The following RORA variants were observed in gnomAD, a reference collection of about 807,000 sequenced individuals.
The protein encoded by RORA is nuclear receptor ROR-alpha.
RORA carries 7 observed loss-of-function variants against 69.5 expected under a neutral mutation model. The ratio of observed to expected loss-of-function variants is 0.10; its 90% confidence interval spans 0.06 to 0.19. The LOEUF is 0.19. Ranked by LOEUF, RORA falls within the 10% of genes least tolerant of loss-of-function variation. The pLI, the probability that RORA is intolerant of heterozygous loss-of-function variation, is 1.00. For missense variants in RORA, 457 were observed against 663.0 expected (o/e 0.69, Z 3.41); for synonymous variants, 261 against 240.8 (o/e 1.08, Z -0.78).
At chr15:60,513,840 C>T (rs1235772390) in intron 4 of RORA, among the ~76,000 whole-genome samples, 1 of 152,202 alleles carries the variant, frequency 6.6e-6, no homozygotes, top group East Asian at 1.9e-4. Flanking sequence ...GCTGAAATTC[C>T]ACTGGAGGAG....
At chr15:60,604,048 G>T (rs1424317395) in intron 2 of RORA, among the ~76,000 whole-genome samples, 1 of 148,482 alleles carries the variant, frequency 6.7e-6, no homozygotes, top group Non-Finnish European at 1.5e-5. Flanking sequence ...CAGGAGAATC[G>T]CTTGACCCTG....
At chr15:60,739,696 C>T (rs2071548841) in intron 1 of RORA, among the ~76,000 whole-genome samples, 1 of 152,172 alleles carries the variant, frequency 6.6e-6, no homozygotes, top group Admixed American at 6.5e-5. Flanking sequence ...AGTGCCCTGC[C>T]TCGGGGACCT....
At chr15:61,003,109 A>G (rs1206688242) in intron 1 of RORA, among the ~76,000 whole-genome samples, 1 of 150,576 alleles carries the variant, frequency 6.6e-6, no homozygotes, top group African/African-American at 2.4e-5. Flanking sequence ...GTGCCACTGC[A>G]CTCCAGACAG....
At chr15:60,986,436 T>C (rs1894203765) in intron 1 of RORA, among the ~76,000 whole-genome samples, 1 of 152,220 alleles carries the variant, frequency 6.6e-6, no homozygotes, top group African/African-American at 2.4e-5. Context: ...CCTTCAGACA[T>C]GTGCTTTTCG....
At chr15:60,502,462 C>T (rs1310901861) in intron 8 of RORA, among the ~76,000 whole-genome samples, 4 of 152,072 alleles carry the variant, frequency 2.6e-5, no homozygotes, top group Admixed American at 2.6e-4. Flanking sequence ...AATAATATAT[C>T]ACCAGCAAAT....
intron 1 of RORA, among the ~76,000 whole-genome samples, chr15:61,130,639 T>C (rs887622894): frequency 1.3e-5 from 2 of 152,186 alleles, no homozygotes; most frequent in African/African-American, 4.8e-5. Context: ...GAGATAAGTA[T>C]ATCTAGATAT....
chr15:61,190,047 C>A (rs896086865), intron 1 of RORA, among the ~76,000 whole-genome samples: 1 of 151,940 alleles, frequency 6.6e-6, no homozygotes, highest in Non-Finnish European at 1.5e-5. Context: ...AGATTTATAT[C>A]TATTGGCCTG....
intron 2 of RORA, among the ~76,000 whole-genome samples, chr15:60,582,397 C>T (rs1008984728): frequency 2.6e-5 from 4 of 152,120 alleles, no homozygotes; most frequent in Admixed American, 2.0e-4. Flanking sequence ...TTTCATAGAA[C>T]GGTAGAGATG....
chr15:60,506,118 C>G (rs2065492674), intron 5 of RORA, among the ~76,000 whole-genome samples: 1 of 152,164 alleles, frequency 6.6e-6, no homozygotes, highest in African/African-American at 2.4e-5. Context: ...TTACTGAGGG[C>G]CTACCATGTG....
At chr15:60,719,307 G>A (rs1033435581) in intron 1 of RORA, among the ~76,000 whole-genome samples, 1 of 151,644 alleles carries the variant, frequency 6.6e-6, no homozygotes, top group Non-Finnish European at 1.5e-5. Flanking sequence ...ATAAAAAAAT[G>A]TGTGTGTGTG....
chr15:60,621,804 T>C (rs2069416394), intron 2 of RORA, among the ~76,000 whole-genome samples: 1 of 151,812 alleles, frequency 6.6e-6, no homozygotes, highest in East Asian at 1.9e-4. Flanking sequence ...TCCCAGCACT[T>C]TGGGAGGGCG....
At chr15:60,872,004 T>C (rs1442111867) in intron 1 of RORA, among the ~76,000 whole-genome samples, 1 of 152,214 alleles carries the variant, frequency 6.6e-6, no homozygotes, top group Admixed American at 6.5e-5. Context: ...AATCTAGAAG[T>C]ATTCCAAAGT....
At chr15:61,053,428 C>A (rs563378539) in intron 1 of RORA, among the ~76,000 whole-genome samples, 1 of 152,182 alleles carries the variant, frequency 6.6e-6, no homozygotes, top group South Asian at 2.1e-4. Flanking sequence ...ACACAGGTAA[C>A]CCCTTGGGCA....
At chr15:60,917,263 G>C (rs1756257227) in intron 1 of RORA, among the ~76,000 whole-genome samples, 1 of 152,144 alleles carries the variant, frequency 6.6e-6, no homozygotes, top group African/African-American at 2.4e-5. Flanking sequence ...CCTCCCATCT[G>C]GTTAATATAA....
intron 1 of RORA, among the ~76,000 whole-genome samples, chr15:60,799,277 C>A (rs1472320910): frequency 3.9e-5 from 6 of 152,268 alleles, no homozygotes; most frequent in African/African-American, 1.4e-4. Context: ...CAAGGGGGAA[C>A]CGCTATAAAC....
intron 1 of RORA, among the ~76,000 whole-genome samples, chr15:61,047,817 C>A (rs1258191764): frequency 2.0e-5 from 3 of 152,166 alleles, no homozygotes; most frequent in African/African-American, 4.8e-5. Context: ...GGTCCTCCGG[C>A]CATGACTTTT....
chr15:61,156,833 C>T (rs1178037170), intron 1 of RORA, among the ~76,000 whole-genome samples: 1 of 152,118 alleles, frequency 6.6e-6, no homozygotes, highest in African/African-American at 2.4e-5. Context: ...CAAGGATTTG[C>T]TTTTTCAAAG....
chr15:60,711,137 G>A (rs143476785), intron 1 of RORA, among the ~76,000 whole-genome samples: 30 of 152,184 alleles, frequency 2.0e-4, no homozygotes, highest in African/African-American at 6.7e-4. Flanking sequence ...GCCTCTGTAC[G>A]GCCTCATAAG....
At chr15:60,580,428 A>G (rs1038593990) in intron 2 of RORA, among the ~76,000 whole-genome samples, 1 of 152,212 alleles carries the variant, frequency 6.6e-6, no homozygotes, top group Non-Finnish European at 1.5e-5. Flanking sequence ...ATTCCAATCC[A>G]CCAATTTGAA....
Sources: allele counts gnomAD v4.1 joint callset (sites outside exome capture counted in the v4.1 genomes callset), GRCh38; gene constraint gnomAD v4.1.1; transcripts MANE v1.5; gene names NCBI Gene and HGNC (gene_info 2026-07-23, HGNC 2026-07-21).